The following TPO variants were observed in gnomAD, a reference collection of about 807,000 sequenced individuals.
TPO encodes thyroid peroxidase.
A neutral mutation model predicts 96.9 loss-of-function variants in TPO; 78 were observed. The observed-to-expected ratio is 0.81, with a 90% CI of 0.67 to 0.97. TPO has a LOEUF of 0.97. TPO is among the 50% of genes least tolerant of loss of function. TPO has a pLI of 0.00. For missense variants in TPO, 1,252 were observed against 1,274.8 expected (o/e 0.98, Z 0.27); for synonymous variants, 547 against 538.0 (o/e 1.02, Z -0.23).
chr2:1,491,904 T>A (rs1472154764), intron 10 of TPO, among the ~76,000 whole-genome samples: 1 of 152,168 alleles, frequency 6.6e-6, no homozygotes, highest in Non-Finnish European at 1.5e-5. Flanking sequence ...TTTCTGCAGA[T>A]CACAGGGCGG....
intron 8 of TPO, among the ~76,000 whole-genome samples, chr2:1,479,376 T>C (rs1313956680): frequency 6.6e-6 from 1 of 152,218 alleles, no homozygotes. Flanking sequence ...TTCATAAATA[T>C]ATGTAGAGTT....
intron 15 of TPO, among the ~76,000 whole-genome samples, chr2:1,517,901 CCA>C (rs1674868490): frequency 6.6e-6 from 1 of 152,198 alleles, no homozygotes; most frequent in Non-Finnish European, 1.5e-5. Flanking sequence ...CAGATAGAGG[CCA>C]CAGTTTCTCG....
chr2:1,462,707 G>A (rs1558315766), intron 7 of TPO, among the ~76,000 whole-genome samples: 1 of 152,220 alleles, frequency 6.6e-6, no homozygotes, highest in Non-Finnish European at 1.5e-5. Flanking sequence ...GGGACACGAT[G>A]TGACATAAGG....
intron 5 of TPO, among the ~76,000 whole-genome samples, chr2:1,438,597 G>A (rs898849037): frequency 1.9e-4 from 6 of 31,188 alleles, no homozygotes; most frequent in Admixed American, 8.8e-4. Flanking sequence ...CCTGCCCCAC[G>A]TCCCTCCTCC....
At chr2:1,479,023 A>G (rs1670280870) in intron 8 of TPO, among the ~76,000 whole-genome samples, 1 of 152,262 alleles carries the variant, frequency 6.6e-6, no homozygotes, top group Non-Finnish European at 1.5e-5. Context: ...AAATGAAAAC[A>G]GGAACCTTGT....
At position 1,501,420 on chromosome 2, in the gene TPO, C is replaced by CAGA. The variant is rs1672863204; in HGVS notation, c.2387-2528_2387-2527insAGA. 9.8e-5 allele frequency among the ~76,000 whole-genome samples: 15 copies of CAGA among 152,322 alleles called. No homozygotes were observed. In the South Asian group the frequency reaches 3.1e-3, roughly 32 times the overall value. ...CTCTTCAGACAAGGCCGATTTGTCCCCCTCCTTCCTGTCCATCCTGGGAAG... is the reference window on the plus strand; with the variant it reads ...CTCTTCAGACAAGGCCGATTTGTCCCAGACCTCCTTCCTGTCCATCCTGGGAAG... On this transcript the variant is annotated intron_variant, in intron 13 of 16. Transcript: ENST00000329066.
chr2:1,505,764 G>A (rs1021762051), intron 14 of TPO, among the ~76,000 whole-genome samples: 2 of 151,576 alleles, frequency 1.3e-5, no homozygotes, highest in Non-Finnish European at 2.9e-5. Flanking sequence ...CCCAGTGTGT[G>A]CTGTTCTCCT....
intron 3 of TPO, among the ~76,000 whole-genome samples, chr2:1,432,780 A>G (rs1665149149): frequency 2.1e-5 from 2 of 96,686 alleles, no homozygotes; most frequent in South Asian, 4.9e-4. Flanking sequence ...AGGTGAGGGG[A>G]GGCATGCAGG....
intron 8 of TPO, among the ~76,000 whole-genome samples, chr2:1,483,130 C>T (rs1670801783): frequency 6.6e-6 from 1 of 152,160 alleles, no homozygotes; most frequent in South Asian, 2.1e-4. Flanking sequence ...AGAGGAGAGA[C>T]ACACTGTTCA....
At chr2:1,498,940 C>T (rs760514145) in intron 13 of TPO, among the ~76,000 whole-genome samples, 2 of 152,108 alleles carry the variant, frequency 1.3e-5, no homozygotes, top group Non-Finnish European at 2.9e-5. Flanking sequence ...GAATTGATGG[C>T]AGGTGCTTCA....
upstream of TPO, among the ~76,000 whole-genome samples, chr2:1,411,952 C>A (rs769925546): frequency 6.6e-6 from 1 of 152,314 alleles, no homozygotes; most frequent in African/African-American, 2.4e-5. Flanking sequence ...GTCCCCTAGA[C>A]GCTGGTGCTC....
chr2:1,534,517 A>T lies in TPO; in HGVS notation c.2619-6077A>T, dbSNP rs540228674. 7.5e-3 allele frequency among the ~76,000 whole-genome samples: 616 copies of T among 82,136 alleles called. 75 individuals carry two copies. The highest frequency in any genetic ancestry group is 0.025 in the African/African-American group (594 of 23,428). The allele number at this position is 82,136 out of a possible 152,430, so 53.9% of individuals were successfully genotyped here. A position where few individuals can be genotyped will look rare whatever the true frequency, so the allele number is the denominator to read the frequency against. ...CCCCACGCAGTGTGCAACTTCCCCA[A>T]ATCCCTCCCACTCTGTGCAACCTCC... is the stretch of plus-strand genomic sequence containing the variant. On this transcript the variant is annotated intron_variant, in intron 15 of 16. Transcript: ENST00000329066.
chr2:1,453,725 G>A lies in TPO; in HGVS notation c.514G>A (p.Ala172Thr). 1 of 1,613,934 alleles carries A rather than the reference G, an allele frequency of 6.2e-7. No individual in the cohort carries two copies. Among genetic ancestry groups the A allele is most frequent in the Non-Finnish European group, 8.5e-7 (1 of 1,180,038 alleles). Residue 172 changes from alanine to threonine, a missense_variant, in exon 6 of 17, where the codon GCC becomes ACC. Coordinates refer to ENST00000329066, the MANE Select transcript of TPO (RefSeq NM_001206744.2). ...CCCCAGATGGGGCGCCTCCAACACG[G>A]CCCTGGCACGATGGCTCCCTCCAGT... The part of the protein sequence containing the change: ...DHPRWGASNT[A>T]LARWLPPVYE...
At chr2:1,537,532 TC>T (rs1327708498) in intron 15 of TPO, among the ~76,000 whole-genome samples, 1 of 12,876 alleles carries the variant, frequency 7.8e-5, no homozygotes, top group Non-Finnish European at 1.5e-4. Flanking sequence ...CCTCCGCCTA[TC>T]CCCCCCAGTG....
chr2:1,540,526 G>A (rs1680615006), intron 15 of TPO, 68 bp from the exon 16 acceptor site: 28 of 1,604,004 alleles, frequency 1.7e-5, no homozygotes, highest in South Asian at 6.6e-5. Flanking sequence ...CGCTCGTGCC[G>A]TGCTCTCTAC....
At chr2:1,468,681 G>A (rs898184631) in intron 7 of TPO, among the ~76,000 whole-genome samples, 2 of 152,182 alleles carry the variant, frequency 1.3e-5, no homozygotes, top group South Asian at 2.1e-4. Context: ...ATGACAATGT[G>A]CCTGGGCAAT....
At chr2:1,387,691 G>A (rs1269078058) in intron 1 of TPO, among the ~76,000 whole-genome samples, 1 of 152,170 alleles carries the variant, frequency 6.6e-6, no homozygotes, top group Non-Finnish European at 1.5e-5. Context: ...TTGATTATCT[G>A]AAGCTTTCTT....
chr2:1,391,561 G>A (rs1662001151), intron 1 of TPO, among the ~76,000 whole-genome samples: 2 of 152,150 alleles, frequency 1.3e-5, no homozygotes, highest in Non-Finnish European at 2.9e-5. Flanking sequence ...GAAAGTCATT[G>A]GTAGCTTGAT....
chr2:1,456,253 G>C lies in TPO; in HGVS notation c.790G>C (p.Glu264Gln), dbSNP rs768973175. Residue 264 changes from glutamate (E) to glutamine (Q), a missense_variant, in exon 7 of 17, where the codon GAG becomes CAG. Physicochemically the swap from Glu to Gln is conservative, Grantham distance 29. Coordinates refer to ENST00000329066, the MANE Select transcript of TPO (RefSeq NM_001206744.2). ...AGGGGCTGACTGCCAGATGACTTGTGAGAACCAAAACCCATGTTTTCCCAT... is the reference window on the plus strand; with the variant it reads ...AGGGGCTGACTGCCAGATGACTTGTCAGAACCAAAACCCATGTTTTCCCAT... ...GGGADCQMTC[E>Q]NQNPCFPIQL... 105 of 1,614,002 alleles carry C rather than the reference G, an allele frequency of 6.5e-5. No homozygotes were observed. The highest frequency in any genetic ancestry group is 8.4e-5 in the Non-Finnish European group (99 of 1,180,042).
Sources: gnomAD v4.1 joint callset for allele counts (sites outside exome capture counted in the v4.1 genomes callset) on GRCh38, gnomAD v4.1.1 for gene constraint, MANE v1.5 for transcripts, NCBI Gene and HGNC (gene_info 2026-07-23, HGNC 2026-07-21) for gene names.